Variants in ILDR2 observed in about 807,000 individuals in gnomAD.
ILDR2 encodes the protein immunoglobulin-like domain-containing receptor 2.
Under a neutral mutation model 66.8 loss-of-function variants are expected in ILDR2, and 25 were observed. That is an observed-to-expected ratio of 0.37 (90% confidence interval 0.27 to 0.52). ILDR2 has a LOEUF of 0.52. ILDR2 is among the 20% of genes least tolerant of loss of function. The pLI is 0.88. For missense variants in ILDR2, 827 were observed against 876.8 expected (o/e 0.94, Z 0.72); for synonymous variants, 367 against 357.2 (o/e 1.03, Z -0.31).
At chr1:166,966,129 A>G in intron 1 of ILDR2, among the ~76,000 whole-genome samples, 1 of 151,584 alleles carries the variant, frequency 6.6e-6, no homozygotes, top group African/African-American at 2.4e-5. Flanking sequence ...AACTTGTGTT[A>G]AAAAAAAACC....
chr1:166,973,616 C>CCCA (rs1663435686), intron 1 of ILDR2, among the ~76,000 whole-genome samples: 1 of 108,036 alleles, frequency 9.3e-6, no homozygotes, highest in Non-Finnish European at 1.9e-5. Flanking sequence ...GACCCCTCCC[C>CCCA]CCCCCCCCCG....
rs759453809 is a variant in ILDR2, at chr1:166,922,800, GTGT to G, written c.1001_1003del (p.Asn334del). 6.2e-7 allele frequency: 1 copy of G among 1,614,056 alleles called. No individual in the cohort carries two copies. The highest frequency in any genetic ancestry group is 8.5e-7 in the Non-Finnish European group (1 of 1,179,914). On this transcript the variant is annotated inframe_deletion, in exon 8 of 10. Transcript: ENST00000271417. ...ATGTAGGGAGCTGAGTTCTGAGATG[GTGT>G]TGTTATCTGCAGGGACAAAATCAGG...
intron 1 of ILDR2, among the ~76,000 whole-genome samples, chr1:166,963,066 C>T (rs182483698): frequency 1.6e-3 from 245 of 152,200 alleles, no homozygotes; most frequent in African/African-American, 5.7e-3. Flanking sequence ...TTTCTCTATC[C>T]CTTGCTCTTT....
At chr1:166,962,066 A>T (rs1306927997) in intron 1 of ILDR2, among the ~76,000 whole-genome samples, 2 of 152,222 alleles carry the variant, frequency 1.3e-5, no homozygotes, top group Non-Finnish European at 2.9e-5. Context: ...ATCTTTGAGA[A>T]CCACAGAGTG....
chr1:166,944,936 G>A (rs1330680373), intron 3 of ILDR2, among the ~76,000 whole-genome samples: 5 of 152,074 alleles, frequency 3.3e-5, no homozygotes, highest in Non-Finnish European at 5.9e-5. Context: ...TCTACGCTTG[G>A]CATCTCCAGA....
At chr1:166,969,188 C>G (rs1371652504) in intron 1 of ILDR2, among the ~76,000 whole-genome samples, 2 of 151,982 alleles carry the variant, frequency 1.3e-5, no homozygotes, top group Non-Finnish European at 2.9e-5. Flanking sequence ...CCTCACCATC[C>G]CCCCTACACG....
At position 166,918,306 on chromosome 1, in the gene ILDR2, T is replaced by C. The variant is rs1659718186; in HGVS notation, c.*1049A>G. 6.6e-6 allele frequency: 1 copy of C among 152,152 alleles called. No homozygotes were observed. Among genetic ancestry groups the C allele is most frequent in the Non-Finnish European group, 1.5e-5 (1 of 68,028 alleles). 9.4% of individuals were successfully genotyped at this position (152,152 alleles called of 1,614,324 possible). A position where few individuals can be genotyped will look rare whatever the true frequency, so the allele number is the denominator to read the frequency against. ...GGCAGAACTGGGATGGCAGAAACAA[T>C]TAACGGCAAGTGAAGCACAAAACCG... On this transcript the variant is annotated 3_prime_UTR_variant, in exon 10 of 10. Coordinates refer to ENST00000271417, the MANE Select transcript of ILDR2 (RefSeq NM_199351.3).
At chr1:166,946,382 A>G (rs114510022) in intron 3 of ILDR2, among the ~76,000 whole-genome samples, 240 of 152,310 alleles carry the variant, frequency 1.6e-3, no homozygotes, top group African/African-American at 5.6e-3. Flanking sequence ...TTTAAATTAT[A>G]GTCTTAAAGG....
Position 166,921,434 on chromosome 1 carries a change from T to G in ILDR2, c.1212-55A>C. On this transcript the variant is annotated intron_variant, in intron 8 of 9. Coordinates refer to ENST00000271417, the MANE Select transcript of ILDR2 (RefSeq NM_199351.3). The surrounding 1 kb of genome is among the most constrained non-coding windows in gnomAD (Gnocchi z 5.3). ...GCCGGTCCCTCCCTGGAGCTCCAGGTAGGGCTCCCAAGAGCACCCATCGTG... is the reference window on the plus strand; with the variant it reads ...GCCGGTCCCTCCCTGGAGCTCCAGGGAGGGCTCCCAAGAGCACCCATCGTG... The G allele has an allele frequency of 2.8e-6, 4 of 1,430,014 alleles. No homozygotes were observed. Among genetic ancestry groups the G allele is most frequent in the South Asian group, 2.7e-5 (2 of 74,318 alleles). The allele number at this position is 1,430,014 out of a possible 1,614,324, so 88.6% of individuals were successfully genotyped here.
chr1:166,938,295 C>A (rs76929931), intron 4 of ILDR2, among the ~76,000 whole-genome samples: 1 of 152,136 alleles, frequency 6.6e-6, no homozygotes, highest in African/African-American at 2.4e-5. Flanking sequence ...AAGGATAAGA[C>A]TGGAAAGTTA....
At chr1:166,934,175 C>G (rs1292807555) in intron 6 of ILDR2, among the ~76,000 whole-genome samples, 1 of 152,126 alleles carries the variant, frequency 6.6e-6, no homozygotes, top group Non-Finnish European at 1.5e-5. Flanking sequence ...TGCCCCTCCA[C>G]CTCTCCACCC....
chr1:166,899,694 C>T (rs1659230206), intron 2 of ILDR2, among the ~76,000 whole-genome samples: 1 of 152,220 alleles, frequency 6.6e-6, no homozygotes. Flanking sequence ...AACATTCAAG[C>T]ATTTAGATCT....
Position 166,921,383 on chromosome 1 carries a change from C to T in ILDR2, c.1212-4G>A, listed in dbSNP as rs372643541. 12 of 1,554,654 alleles carry T rather than the reference C, an allele frequency of 7.7e-6. No individual in the cohort carries two copies. In the African/African-American group the frequency reaches 1.5e-4, roughly 19 times the overall value. ...CTCCGACTTGGAGCGCGGCTGGCTG[C>T]GGGCAGAGAAGGAGGGGGTCAGACG... On this transcript the variant is annotated splice_region_variant and splice_polypyrimidine_tract_variant and intron_variant, in intron 8 of 9. Transcript: ENST00000271417. The surrounding 1 kb of genome is among the most constrained non-coding windows in gnomAD (Gnocchi z 5.3).
chr1:166,974,912 T>G (rs1449189107), intron 1 of ILDR2, among the ~76,000 whole-genome samples: 1 of 152,202 alleles, frequency 6.6e-6, no homozygotes, highest in Admixed American at 6.5e-5. Flanking sequence ...AACCGTTTTA[T>G]GGAGGGGAAA....
chr1:166,917,699 A>G lies in ILDR2; in HGVS notation c.*1656T>C, dbSNP rs1659696598. The G allele has an allele frequency of 6.6e-6, 1 of 152,288 alleles. No individual in the cohort carries two copies. Among genetic ancestry groups the G allele is most frequent in the East Asian group, 1.9e-4 (1 of 5,206 alleles). 9.4% of individuals were successfully genotyped at this position (152,288 alleles called of 1,614,324 possible). Reference sequence around the variant, plus strand: ...TGTTCTTAAAGAGAAATGAACATAAAGAATGCACCAACTTCTCACGCCTCG... The same window carrying G: ...TGTTCTTAAAGAGAAATGAACATAAGGAATGCACCAACTTCTCACGCCTCG... On this transcript the variant is annotated 3_prime_UTR_variant, in exon 10 of 10. Coordinates refer to ENST00000271417, the MANE Select transcript of ILDR2 (RefSeq NM_199351.3).
rs1486096563 is a variant in ILDR2 at position 166,908,832 on chromosome 1, C to CTGAA, written c.*10519_*10522dup. The CTGAA allele has an allele frequency of 6.6e-6, 1 of 152,216 alleles. No individual in the cohort carries two copies. Among genetic ancestry groups the CTGAA allele is most frequent in the Non-Finnish European group, 1.5e-5 (1 of 68,048 alleles). 9.4% of individuals were successfully genotyped at this position (152,216 alleles called of 1,614,324 possible). ...CTGAACTGTGGTAAAAACAGCCTCC[C>CTGAA]TGAAGCCTTGGGTTGGAATAATACG... On this transcript the variant is annotated 3_prime_UTR_variant, in exon 10 of 10. Transcript: ENST00000271417.
intron 9 of ILDR2, among the ~76,000 whole-genome samples, chr1:166,920,270 C>G (rs1489869324): frequency 6.6e-6 from 1 of 152,168 alleles, no homozygotes; most frequent in African/African-American, 2.4e-5. Context: ...ATGCAAGTTA[C>G]AAACCCTCGC....
intron 2 of ILDR2, among the ~76,000 whole-genome samples, chr1:166,902,539 A>G (rs1361651703): frequency 6.6e-6 from 1 of 152,260 alleles, no homozygotes; most frequent in Non-Finnish European, 1.5e-5. Context: ...GTATTATATA[A>G]TTAGAGAAAT....
chr1:166,933,995 A>G (rs933563172), intron 6 of ILDR2, among the ~76,000 whole-genome samples: 1 of 152,194 alleles, frequency 6.6e-6, no homozygotes, highest in Admixed American at 6.5e-5. Flanking sequence ...CCACTTCACA[A>G]TGGAGGCAGT....
Sources: gnomAD v4.1 joint callset for allele counts (sites outside exome capture counted in the v4.1 genomes callset) on GRCh38, gnomAD v4.1.1 for gene constraint, Gnocchi (gnomAD v3.1) non-coding constraint, MANE v1.5 for transcripts, NCBI Gene and HGNC (gene_info 2026-07-23, HGNC 2026-07-21) for gene names.